ARHGEF3: variants seen among roughly 807,000 people sequenced by gnomAD.
The protein encoded by ARHGEF3 is 59.8 kDA protein.
ARHGEF3 carries 28 observed loss-of-function variants against 63.2 expected under a neutral mutation model. The observed-to-expected ratio is 0.44, with a 90% CI of 0.33 to 0.61. The LOEUF (loss-of-function observed/expected upper bound fraction) is 0.61. ARHGEF3 is among the 20% of genes least tolerant of loss of function. The pLI is 0.03. For missense variants in ARHGEF3, 533 were observed against 659.3 expected (o/e 0.81, Z 2.10); for synonymous variants, 266 against 254.2 (o/e 1.05, Z -0.44).
chr3:56,830,631 C>T (rs1014735076), intron 4 of ARHGEF3, among the ~76,000 whole-genome samples: 1 of 152,210 alleles, frequency 6.6e-6, no homozygotes, highest in Non-Finnish European at 1.5e-5. Context: ...CCCAATTCCT[C>T]ACCACAACTG....
At chr3:57,066,547 G>A (rs1705549898) in intron 1 of ARHGEF3, among the ~76,000 whole-genome samples, 1 of 152,264 alleles carries the variant, frequency 6.6e-6, no homozygotes, top group African/African-American at 2.4e-5. Context: ...ATTGGCGTGA[G>A]CCACCGCGCC....
At chr3:56,866,949 CAT>C (rs539172364) in intron 4 of ARHGEF3, among the ~76,000 whole-genome samples, 76 of 152,346 alleles carry the variant, frequency 5.0e-4, no homozygotes, top group African/African-American at 1.8e-3. Context: ...CATATGAAAT[CAT>C]GTGTATATTT....
chr3:56,836,994 A>G (rs2039135147), intron 4 of ARHGEF3, among the ~76,000 whole-genome samples: 1 of 152,276 alleles, frequency 6.6e-6, no homozygotes, highest in African/African-American at 2.4e-5. Context: ...GCATTACGTA[A>G]TCTTTATTTC....
intron 4 of ARHGEF3, among the ~76,000 whole-genome samples, chr3:56,847,845 T>C (rs1313488243): frequency 6.6e-6 from 1 of 152,212 alleles, no homozygotes; most frequent in Non-Finnish European, 1.5e-5. Context: ...CCCAAAGTGC[T>C]GGGATTACAG....
chr3:56,948,776 T>G (rs954587245), intron 3 of ARHGEF3, among the ~76,000 whole-genome samples: 1 of 152,146 alleles, frequency 6.6e-6, no homozygotes, highest in Non-Finnish European at 1.5e-5. Context: ...CTAACTCATT[T>G]TATGAGGCCA....
At chr3:56,798,496 T>C (rs1332739218) in intron 1 of ARHGEF3, among the ~76,000 whole-genome samples, 1 of 151,834 alleles carries the variant, frequency 6.6e-6, no homozygotes, top group African/African-American at 2.4e-5. Context: ...CCTTAGCCAA[T>C]GTGTGCACCT....
chr3:56,964,548 GCTA>G (rs1392971401), intron 2 of ARHGEF3, among the ~76,000 whole-genome samples: 1 of 152,110 alleles, frequency 6.6e-6, no homozygotes, highest in East Asian at 1.9e-4. Flanking sequence ...TTATTGAGCA[GCTA>G]CTACATGTCA....
chr3:56,949,441 A>G (rs1010190635), intron 3 of ARHGEF3, among the ~76,000 whole-genome samples: 1 of 152,092 alleles, frequency 6.6e-6, no homozygotes, highest in African/African-American at 2.4e-5. Context: ...GTCTCAGGAT[A>G]CAAAATCAAT....
In ARHGEF3 at chr3:56,931,350, C is replaced by G. The variant is rs532938189; in HGVS notation, c.129+27473G>C. ...TAGCACTTTGGGAGGCCGAGACAGG[C>G]AGATCACTTAAGCCCAAGAGTTCAA... On this transcript the variant is annotated intron_variant, in intron 3 of 12. Transcript: ENST00000338458. Among the ~76,000 whole-genome samples the G allele has an allele frequency of 7.2e-5, 11 of 152,094 alleles. No homozygotes were observed. The South Asian group carries it at 2.3e-3, about 32-fold the overall frequency.
intron 2 of ARHGEF3, among the ~76,000 whole-genome samples, chr3:56,996,657 G>A (rs911852073): frequency 1.4e-4 from 21 of 152,202 alleles, no homozygotes; most frequent in African/African-American, 5.1e-4. Context: ...AATTTCTGTT[G>A]TTTATAAGCC....
intron 4 of ARHGEF3, among the ~76,000 whole-genome samples, chr3:56,845,207 C>A (rs2039447402): frequency 6.6e-6 from 1 of 152,218 alleles, no homozygotes; most frequent in Admixed American, 6.5e-5. Context: ...GACCATAACC[C>A]TGGCCAACGC....
chr3:56,979,563 G>A (rs1244445922), intron 2 of ARHGEF3, among the ~76,000 whole-genome samples: 2 of 152,216 alleles, frequency 1.3e-5, no homozygotes, highest in East Asian at 1.9e-4. Context: ...GCCGGGGTCT[G>A]TGAGCAAGGC....
Position 56,729,486 on chromosome 3 carries a change from G to C in ARHGEF3, c.1365C>G (p.Ala455=). 6.2e-7 allele frequency: 1 copy of C among 1,614,146 alleles called. No homozygotes were observed. The highest frequency in any genetic ancestry group is 8.5e-7 in the Non-Finnish European group (1 of 1,180,024). ...CGGAGTCAAGCACCCCAGCTTGCCC[G>C]GCAGCACACAAAACTGTTTCTTTGG... ...RQAKETVLCA[A]GQAGVLDSEG... The change falls in exon 10 of 10, where the codon GCC becomes GCG. Residue 455 remains alanine (A), a synonymous_variant. Coordinates refer to ENST00000296315, the MANE Select transcript of ARHGEF3 (RefSeq NM_019555.3).
intron 2 of ARHGEF3, among the ~76,000 whole-genome samples, chr3:57,022,239 A>G (rs953560543): frequency 6.6e-6 from 1 of 152,112 alleles, no homozygotes; most frequent in African/African-American, 2.4e-5. Context: ...ACCTCACTGC[A>G]CTCCAGCCTG....
chr3:56,761,303 G>C (rs1186915477), intron 2 of ARHGEF3, among the ~76,000 whole-genome samples: 1 of 152,016 alleles, frequency 6.6e-6, no homozygotes, highest in Non-Finnish European at 1.5e-5. Context: ...AACTACATGA[G>C]AGAACTAGAG....
At chr3:57,042,596 C>G (rs1222940609) in intron 1 of ARHGEF3, among the ~76,000 whole-genome samples, 1 of 146,796 alleles carries the variant, frequency 6.8e-6, no homozygotes, top group Non-Finnish European at 1.5e-5. Flanking sequence ...GCTCTCCAAC[C>G]TGTCCCCAAG....
intron 4 of ARHGEF3, among the ~76,000 whole-genome samples, chr3:56,862,604 G>C (rs2040114746): frequency 6.6e-6 from 1 of 152,164 alleles, no homozygotes; most frequent in Non-Finnish European, 1.5e-5. Context: ...ACAGGACGAG[G>C]CTGCTGCAGG....
chr3:56,865,190 T>G (rs1293620969), intron 4 of ARHGEF3, among the ~76,000 whole-genome samples: 2 of 152,148 alleles, frequency 1.3e-5, no homozygotes, highest in Non-Finnish European at 2.9e-5. Flanking sequence ...ATAATTTAAA[T>G]GAAGTCGCAG....
intron 4 of ARHGEF3, among the ~76,000 whole-genome samples, chr3:56,822,934 G>C (rs899972917): frequency 6.6e-6 from 1 of 151,808 alleles, no homozygotes; most frequent in Non-Finnish European, 1.5e-5. Flanking sequence ...TATTAAAAAG[G>C]GGAGAGGTAA....
Sources: gnomAD v4.1 joint callset for allele counts (sites outside exome capture counted in the v4.1 genomes callset) on GRCh38, gnomAD v4.1.1 for gene constraint, MANE v1.5 for transcripts, NCBI Gene and HGNC (gene_info 2026-07-23, HGNC 2026-07-21) for gene names.